The following BTN3A2 variants were observed in gnomAD, a reference collection of about 807,000 sequenced individuals.
BTN3A2 encodes butyrophilin protein.
In BTN3A2, 25 loss-of-function variants were observed where a neutral mutation model predicts 37.6. The observed-to-expected ratio is 0.66, with a 90% confidence interval of 0.48 to 0.93. The LOEUF (loss-of-function observed/expected upper bound fraction) is 0.93. Among genes scored for constraint, BTN3A2 ranks in the 40% least tolerant of loss-of-function variants. BTN3A2 has a pLI of 0.00. For synonymous variants in BTN3A2, 122 were observed against 159.4 expected (o/e 0.77, Z 1.77); for missense variants, 266 against 410.9 (o/e 0.65, Z 3.05).
intron 1 of BTN3A2, among the ~76,000 whole-genome samples, chr6:26,366,361 TACA>T (rs1396132319): frequency 2.0e-5 from 3 of 152,210 alleles, no homozygotes; most frequent in African/African-American, 7.2e-5. Flanking sequence ...GGGCAAATAA[TACA>T]ACATTTTAAA....
At chr6:26,366,524 T>A (rs1323134598) in intron 1 of BTN3A2, among the ~76,000 whole-genome samples, 1 of 152,196 alleles carries the variant, frequency 6.6e-6, no homozygotes, top group Non-Finnish European at 1.5e-5. Context: ...GAATAATAAA[T>A]AACCTAAAAA....
chr6:26,365,550 A>C (rs1761985835), intron 1 of BTN3A2, among the ~76,000 whole-genome samples, 198 bp downstream of exon 1: 1 of 151,728 alleles, frequency 6.6e-6, no homozygotes, highest in Non-Finnish European at 1.5e-5. Flanking sequence ...GCACATGCAC[A>C]TATGGGCACG....
intron 5 of BTN3A2, among the ~76,000 whole-genome samples, chr6:26,371,138 T>C (rs1008223042): frequency 6.6e-6 from 1 of 152,132 alleles, no homozygotes; most frequent in Admixed American, 6.5e-5. Context: ...GGAGTGCACC[T>C]CTAATCCCAG....
chr6:26,369,793 C>T (rs1759915073), intron 4 of BTN3A2, among the ~76,000 whole-genome samples: 2 of 152,180 alleles, frequency 1.3e-5, no homozygotes. Flanking sequence ...TGTGAAATTG[C>T]TTATGTTCAA....
chr6:26,373,453 ACT>A, intron 8 of BTN3A2, 40 bp downstream of exon 8: 3 of 1,585,432 alleles, frequency 1.9e-6, no homozygotes, highest in South Asian at 1.2e-5. Flanking sequence ...CAAATCTGTT[ACT>A]CTCTCTCTGC....
Position 26,365,225 on chromosome 6 carries a change from G to A in BTN3A2, c.-194G>A. 3 of 1,322,192 alleles carry A rather than the reference G, an allele frequency of 2.3e-6. No homozygotes were observed. The highest frequency in any genetic ancestry group is 2.1e-5 in the Admixed American group (1 of 48,754). 81.9% of individuals were successfully genotyped at this position (1,322,192 alleles called of 1,614,324 possible). A position where few individuals can be genotyped will look rare whatever the true frequency, so the allele number is the denominator to read the frequency against. ...CTCTTACTGTTTCTCATGGTGAGAA[G>A]ACAATATTTGCTTTCTCTTTTTCCT... On this transcript the variant is annotated 5_prime_UTR_variant, in exon 1 of 11. Coordinates refer to ENST00000377708, the MANE Select transcript of BTN3A2 (RefSeq NM_007047.5).
In BTN3A2 at chr6:26,373,085, A is replaced by G. The variant is rs1760282189; in HGVS notation, c.904A>G (p.Ile302Val). 6.2e-7 allele frequency: 1 copy of G among 1,613,896 alleles called. No individual in the cohort carries two copies. The highest frequency in any genetic ancestry group is 1.3e-5 in the African/African-American group (1 of 74,924). Residue 302 changes from isoleucine (I) to valine (V), a missense_variant, in exon 6 of 11, where the codon ATA (isoleucine) becomes GTA (valine). Physicochemically the swap from Ile to Val is conservative, Grantham distance 29 (BLOSUM62 3). Transcript: ENST00000377708. Reference sequence around the variant, plus strand: ...GGGATATGCTGCAACAGAGCGGGAAATAAGCCTAAGAGGTATCCAACGCAA... The same window carrying G: ...GGGATATGCTGCAACAGAGCGGGAAGTAAGCCTAAGAGGTATCCAACGCAA... ...EMGYAATERE[I>V]SLRESLQEEL...
Position 26,376,232 on chromosome 6 carries a change from A to AG in BTN3A2, c.*470_*471insG, listed in dbSNP as rs1554126685. 2.9e-5 allele frequency: 4 copies of AG among 136,510 alleles called. No individual in the cohort carries two copies. The highest frequency in any genetic ancestry group is 5.8e-5 in the Non-Finnish European group (4 of 68,472). 8.5% of individuals were successfully genotyped at this position (136,510 alleles called of 1,614,324 possible). On this transcript the variant is annotated 3_prime_UTR_variant, in exon 11 of 11. Coordinates refer to ENST00000377708, the MANE Select transcript of BTN3A2 (RefSeq NM_007047.5). ...TGTCTCAAGAAAAAAAAAAAAAAAA[A>AG]AAAAGAAAAGAAAATTAACCTCTGA...
At position 26,373,550 on chromosome 6, in the gene BTN3A2, G is replaced by A. The variant is rs987661592; in HGVS notation, c.964+137G>A. 1.1e-5 allele frequency: 9 copies of A among 844,016 alleles called. 1 individual carries two copies. In the African/African-American group the frequency reaches 1.6e-4, roughly 15 times the overall value. The allele number at this position is 844,016 out of a possible 1,614,324, so 52.3% of individuals were successfully genotyped here. A position where few individuals can be genotyped will look rare whatever the true frequency, so the allele number is the denominator to read the frequency against. ...TTACCCAGAAAAAGAAAACAAGTGT[G>A]GCTCTTTGGAGAAACCACCCAGTGC... On this transcript the variant is annotated intron_variant, in intron 8 of 10. Transcript: ENST00000377708.
rs1182578407 is a variant in BTN3A2, at chr6:26,375,876, C to T, written c.*114C>T. The stretch of plus-strand genomic sequence containing the variant: ...AAAAATAGACTGCAGAAAAGGGGAA[C>T]TCATTTAGCTCACGAGTGGTCGAGT... On this transcript the variant is annotated 3_prime_UTR_variant, in exon 11 of 11. Coordinates refer to ENST00000377708, the MANE Select transcript of BTN3A2 (RefSeq NM_007047.5). 1.0e-5 allele frequency: 16 copies of T among 1,541,318 alleles called. No individual in the cohort carries two copies. Among genetic ancestry groups the T allele is most frequent in the Non-Finnish European group, 1.3e-5 (15 of 1,137,928 alleles).
chr6:26,373,052 A>G lies in BTN3A2; in HGVS notation c.871A>G (p.Lys291Glu). 1 of 1,614,216 alleles carries G rather than the reference A, an allele frequency of 6.2e-7. No homozygotes were observed. Among genetic ancestry groups the G allele is most frequent in the East Asian group, 2.2e-5 (1 of 44,890 alleles). Residue 291 changes from lysine (K) to glutamate (E), a missense_variant, in exon 6 of 11, where the codon AAA (lysine) becomes GAA (glutamate). By Grantham distance (56) the Lys-to-Glu change is moderately conservative. Coordinates refer to ENST00000377708, the MANE Select transcript of BTN3A2 (RefSeq NM_007047.5). ...SSEIESEQEM[K>E]EMGYAATERE... is the part of the protein sequence containing the mutation. Reference sequence around the variant, plus strand: ...TGAGATAGAAAGTGAGCAAGAGATGAAAGAAATGGGATATGCTGCAACAGA... The same window carrying G: ...TGAGATAGAAAGTGAGCAAGAGATGGAAGAAATGGGATATGCTGCAACAGA...
chr6:26,378,218 A>C lies in BTN3A2; in HGVS notation c.*2456A>C, dbSNP rs1760816242. 1 of 152,172 alleles carries C rather than the reference A, an allele frequency of 6.6e-6. No individual in the cohort carries two copies. Among genetic ancestry groups the C allele is most frequent in the Admixed American group, 6.5e-5 (1 of 15,278 alleles). 9.4% of individuals were successfully genotyped at this position (152,172 alleles called of 1,614,324 possible). On this transcript the variant is annotated 3_prime_UTR_variant, in exon 11 of 11. Transcript: ENST00000377708. Reference sequence around the variant, plus strand: ...TGCCTGCTAGGGAAAACTGCTCCTCATTATCATCACTATTATTGCTCACCA... The same window carrying C: ...TGCCTGCTAGGGAAAACTGCTCCTCCTTATCATCACTATTATTGCTCACCA...
chr6:26,374,266 G>A (rs1308769795), intron 8 of BTN3A2, 61 bp from the exon 9 acceptor site: 3 of 1,128,986 alleles, frequency 2.7e-6, no homozygotes, highest in Non-Finnish European at 3.9e-6. Flanking sequence ...AAAAGAAGGG[G>A]AAGGGGCCAA....
chr6:26,369,928 C>G (rs1759930645), intron 4 of BTN3A2, among the ~76,000 whole-genome samples: 1 of 152,164 alleles, frequency 6.6e-6, no homozygotes, highest in Non-Finnish European at 1.5e-5. Context: ...AGCAGACAAT[C>G]ATAGGAGGAA....
At chr6:26,367,061 A>T (rs1054311642) in intron 1 of BTN3A2, among the ~76,000 whole-genome samples, 1 of 152,204 alleles carries the variant, frequency 6.6e-6, no homozygotes, top group Non-Finnish European at 1.5e-5. Flanking sequence ...AGGCATTTAC[A>T]TATATAGTTA....
intron 10 of BTN3A2, chr6:26,375,569 C>T (rs202070996): frequency 1.4e-6 from 2 of 1,419,742 alleles, no homozygotes; most frequent in Non-Finnish European, 9.6e-7. Flanking sequence ...AGCCCAGTGG[C>T]ACTGTCCATA....
At chr6:26,374,122 T>C (rs1760432091) in intron 8 of BTN3A2, 2 of 488,744 alleles carry the variant, frequency 4.1e-6, no homozygotes, top group African/African-American at 2.2e-5. Flanking sequence ...GTTCAACCGA[T>C]GTTCCCAGAC....
chr6:26,375,535 C>T, intron 10 of BTN3A2: 2 of 1,174,946 alleles, frequency 1.7e-6, no homozygotes, highest in Non-Finnish European at 2.4e-6. Flanking sequence ...TGGCCAAACA[C>T]AGCAGCAAAC....
intron 5 of BTN3A2, among the ~76,000 whole-genome samples, chr6:26,372,142 T>G (rs1308880592): frequency 6.6e-6 from 1 of 152,180 alleles, no homozygotes; most frequent in Non-Finnish European, 1.5e-5. Context: ...AAGATACACT[T>G]TACACAGAAA....
Sources: allele counts gnomAD v4.1 joint callset (sites outside exome capture counted in the v4.1 genomes callset), GRCh38; gene constraint gnomAD v4.1.1; transcripts MANE v1.5; gene names NCBI Gene and HGNC (gene_info 2026-07-23, HGNC 2026-07-21).